The following PIM1 variants were observed in gnomAD, a reference collection of about 807,000 sequenced individuals.
PIM1 encodes serine/threonine-protein kinase pim-1.
A neutral mutation model predicts 34.5 loss-of-function variants in PIM1; 9 were observed. That is an observed-to-expected ratio of 0.26 (90% CI 0.16 to 0.46). PIM1 has a LOEUF of 0.46. PIM1 is among the 20% of genes least tolerant of loss of function. The pLI is 1.00. For missense variants in PIM1, 274 were observed against 410.9 expected (o/e 0.67, Z 2.88); for synonymous variants, 199 against 175.2 (o/e 1.14, Z -1.07).
chr6:37,170,917 C>A (rs369594055), intron 2 of PIM1, 38 bp downstream of exon 2: 2 of 1,612,064 alleles, frequency 1.2e-6, no homozygotes, highest in Non-Finnish European at 8.5e-7. Flanking sequence ...GCGCGCCGGG[C>A]GGGGGGCGCA....
At chr6:37,172,444 CTCTG>C (rs1216166886) in intron 4 of PIM1, 4 of 375,808 alleles carry the variant, frequency 1.1e-5, no homozygotes, top group African/African-American at 4.2e-5. Flanking sequence ...AACCCTGCAG[CTCTG>C]TCTACCTTTC....
chr6:37,170,822 G>A lies in PIM1; in HGVS notation c.132G>A (p.Leu44=). The A allele has an allele frequency of 6.2e-7, 1 of 1,612,776 alleles. No individual in the cohort carries two copies. ...CGCAGTACCAGGTGGGCCCGCTACT[G>A]GGCAGCGGCGGCTTCGGCTCGGTCT... is the stretch of plus-strand genomic sequence containing the variant. ...LESQYQVGPL[L]GSGGFGSVYS... The change falls in exon 2 of 6, where the codon CTG becomes CTA. Residue 44 remains leucine, a synonymous_variant. Transcript: ENST00000373509.
In PIM1 at chr6:37,170,168, C is replaced by A. The variant is rs954352448; in HGVS notation, c.-408C>A. 6 of 960,850 alleles carry A rather than the reference C, an allele frequency of 6.2e-6. No individual in the cohort carries two copies. Among genetic ancestry groups the A allele is most frequent in the African/African-American group, 1.7e-5 (1 of 57,396 alleles). The allele number at this position is 960,850 out of a possible 1,614,324, so 59.5% of individuals were successfully genotyped here. A position where few individuals can be genotyped will look rare whatever the true frequency, so the allele number is the denominator to read the frequency against. On this transcript the variant is annotated 5_prime_UTR_variant, in exon 1 of 6. Transcript: ENST00000373509. Reference sequence around the variant, plus strand: ...CTCCCCTTTACTCCTGGCTGCGGGGCGAGCCGGGCGTCTGCTGCAGCGGCC... The same window carrying A: ...CTCCCCTTTACTCCTGGCTGCGGGGAGAGCCGGGCGTCTGCTGCAGCGGCC...
At chr6:37,173,784 A>G in intron 5 of PIM1, 150 bp from the exon 6 acceptor site, 1 of 585,058 alleles carries the variant, frequency 1.7e-6, no homozygotes, top group East Asian at 2.9e-5. Context: ...ATACCTTCCT[A>G]TTGAAGGGTA....
chr6:37,175,423 TCTTAACTCGTGG>T, exon 6 of PIM1: 1 of 225,276 alleles, frequency 4.4e-6, no homozygotes, highest in Non-Finnish European at 8.9e-6. Flanking sequence ...AAACCTTTTG[TCTTAACTCGTGG>T]CTTCTAATCG....
rs1762388037 is a variant in PIM1, at chr6:37,175,185, C to T, written c.*1094C>T. ...TCCCTGGCTTCTGTGGGGCCCCTCA[C>T]CTACTTACCCAGGTGGGTCCCGGCT... is the stretch of plus-strand genomic sequence containing the variant. On this transcript the variant is annotated 3_prime_UTR_variant, in exon 6 of 6. Coordinates refer to ENST00000373509, the MANE Select transcript of PIM1 (RefSeq NM_002648.4). The T allele has an allele frequency of 4.3e-6, 1 of 233,740 alleles. No individual in the cohort carries two copies. The highest frequency in any genetic ancestry group is 8.5e-6 in the Non-Finnish European group (1 of 118,144). 14.5% of individuals were successfully genotyped at this position (233,740 alleles called of 1,614,324 possible).
chr6:37,172,806 T>C (rs1393748551), intron 4 of PIM1, 190 bp from the exon 5 acceptor site: 1 of 693,866 alleles, frequency 1.4e-6, no homozygotes, highest in Admixed American at 2.0e-5. Flanking sequence ...TGGGTAATGC[T>C]TTGGGTTGGA....
chr6:37,173,891 C>G (rs757323804), intron 5 of PIM1, 43 bp from the exon 6 acceptor site: 2 of 1,571,206 alleles, frequency 1.3e-6, no homozygotes, highest in South Asian at 2.4e-5. Context: ...AGTGTAAAAA[C>G]AAGTTGAGTC....
chr6:37,174,439 T>A lies in PIM1; in HGVS notation c.*348T>A. The A allele has an allele frequency of 3.8e-6, 1 of 263,398 alleles. No homozygotes were observed. The highest frequency in any genetic ancestry group is 7.4e-6 in the Non-Finnish European group (1 of 135,676). The allele number at this position is 263,398 out of a possible 1,614,324, so 16.3% of individuals were successfully genotyped here. On this transcript the variant is annotated 3_prime_UTR_variant, in exon 6 of 6. Coordinates refer to ENST00000373509, the MANE Select transcript of PIM1 (RefSeq NM_002648.4). ...TTCCTTCATCATGAGTTCTGCTGAA[T>A]GCCGCGATGGGTCAGGTAGGGGGGA...
chr6:37,170,622 C>A lies in PIM1; in HGVS notation c.47C>A (p.Pro16His). 1 of 1,612,814 alleles carries A rather than the reference C, an allele frequency of 6.2e-7. No homozygotes were observed. Reference sequence around the variant, plus strand: ...TCGCTTGCCCACCTGCGCGCCGCGCCCTGCAACGACCTGCACGCCACCAAG... The same window carrying A: ...TCGCTTGCCCACCTGCGCGCCGCGCACTGCAACGACCTGCACGCCACCAAG... ...INSLAHLRAA[P>H]CNDLHATKLA... The change falls in exon 1 of 6, where the codon CCC becomes CAC. Residue 16 changes from proline to histidine, a missense_variant. This residue lies in a region of PIM1 where 106 missense variants were observed against 111.5 expected (regional missense o/e 0.95). Transcript: ENST00000373509.
In PIM1 at chr6:37,171,451, G is replaced by A. The variant is rs781070303; in HGVS notation, c.567G>A (p.Ser189=). 4 of 1,613,724 alleles carry A rather than the reference G, an allele frequency of 2.5e-6. No homozygotes were observed. In the Admixed American group the frequency reaches 5.0e-5, roughly 20 times the overall value. Residue 189 remains serine, a synonymous_variant, in exon 4 of 6, where the codon TCG becomes TCA. Transcript: ENST00000373509. The stretch of plus-strand genomic sequence containing the variant: ...AGCTCAAGCTCATCGACTTCGGGTC[G>A]GGGGCGCTGCTCAAGGACACCGTCT... ...RGELKLIDFG[S]GALLKDTVYT... is the part of the protein sequence containing the mutation.
chr6:37,173,244 T>C, intron 5 of PIM1, 72 bp downstream of exon 5: 2 of 1,422,320 alleles, frequency 1.4e-6, no homozygotes, highest in South Asian at 1.2e-5. Context: ...GGGACAGTCT[T>C]TGAAATTCTG....
rs755705772 is a variant in PIM1, at chr6:37,171,223, C to T, written c.339C>T (p.Pro113=). ...GGCTCCTGGACTGGTTCGAGAGGCC[C>T]GACAGTTTCGTCCTGATCCTGGAGA... The part of the protein sequence containing the change: ...VIRLLDWFER[P]DSFVLILERP... Residue 113 remains proline (P), a synonymous_variant, in exon 4 of 6, where the codon CCC becomes CCT. Coordinates refer to ENST00000373509, the MANE Select transcript of PIM1 (RefSeq NM_002648.4). The T allele has an allele frequency of 2.5e-6, 4 of 1,613,976 alleles. No individual in the cohort carries two copies. The African/African-American group carries it at 4.0e-5, about 16-fold the overall frequency.
intron 4 of PIM1, chr6:37,172,525 A>G: frequency 2.2e-6 from 1 of 449,020 alleles, no homozygotes; most frequent in Admixed American, 2.4e-5. Flanking sequence ...AAGGCCTCCC[A>G]AAGGGCACCC....
chr6:37,171,052 AC>A, intron 3 of PIM1, 21 bp downstream of exon 3: 1 of 1,613,450 alleles, frequency 6.2e-7, no homozygotes, highest in Non-Finnish European at 8.5e-7. Flanking sequence ...TGCAGGAGCG[AC>A]CCCCAGGATG....
chr6:37,171,525 A>ACTCGG, intron 4 of PIM1, 34 bp downstream of exon 4: 1 of 1,603,644 alleles, frequency 6.2e-7, no homozygotes. Flanking sequence ...TGCCCAGGTG[A>ACTCGG]CTCGGCCCGG....
rs1298435930 is a variant in PIM1, at chr6:37,170,542, G to A, written c.-34G>A. On this transcript the variant is annotated 5_prime_UTR_variant, in exon 1 of 6. Coordinates refer to ENST00000373509, the MANE Select transcript of PIM1 (RefSeq NM_002648.4). ...CCGGCTCCTGCGGCAGCTCCTCTGG[G>A]CACCGTCCCTGCGCCGACATCCTGG... 2.5e-6 allele frequency: 4 copies of A among 1,611,262 alleles called. No homozygotes were observed. Among genetic ancestry groups the A allele is most frequent in the Non-Finnish European group, 2.5e-6 (3 of 1,179,440 alleles).
chr6:37,171,235 C>G lies in PIM1; in HGVS notation c.351C>G (p.Val117=), dbSNP rs1221348428. The G allele has an allele frequency of 1.2e-6, 2 of 1,613,962 alleles. No individual in the cohort carries two copies. Among genetic ancestry groups the G allele is most frequent in the Non-Finnish European group, 1.7e-6 (2 of 1,180,054 alleles). Residue 117 remains valine, a synonymous_variant, in exon 4 of 6, where the codon GTC becomes GTG. Transcript: ENST00000373509. ...LDWFERPDSF[V]LILERPEPVQ... The stretch of plus-strand genomic sequence containing the variant: ...GGTTCGAGAGGCCCGACAGTTTCGT[C>G]CTGATCCTGGAGAGGCCCGAGCCGG...
At chr6:37,171,743 A>T (rs1762292337) in intron 4 of PIM1, among the ~76,000 whole-genome samples, 1 of 152,216 alleles carries the variant, frequency 6.6e-6, no homozygotes, top group South Asian at 2.1e-4. Flanking sequence ...GGCTTTCCCG[A>T]TGAATAAGAG....
Sources: allele counts gnomAD v4.1 joint callset (sites outside exome capture counted in the v4.1 genomes callset), GRCh38; gene constraint gnomAD v4.1.1; regional missense constraint gnomAD v4.1.1; transcripts MANE v1.5; gene names NCBI Gene and HGNC (gene_info 2026-07-23, HGNC 2026-07-21).